The following BLOC1S6 variants were observed in gnomAD, a reference collection of about 807,000 sequenced individuals.
The protein encoded by BLOC1S6 is biogenesis of lysosome-related organelles complex 1 subunit 6.
BLOC1S6 carries 24 observed loss-of-function variants against 24.7 expected under a neutral mutation model. The ratio of observed to expected loss-of-function variants is 0.97; its 90% confidence interval spans 0.70 to 1.37. The LOEUF is 1.37. Among genes scored for constraint, BLOC1S6 ranks in the 40% most tolerant of loss-of-function variants. The pLI is 0.00. For synonymous variants in BLOC1S6, 76 were observed against 72.6 expected (o/e 1.05, Z -0.23); for missense variants, 175 against 196.2 (o/e 0.89, Z 0.64).
chr15:45,592,013 C>G, intron 1 of BLOC1S6, 122 bp from the exon 2 acceptor site: 1 of 1,169,388 alleles, frequency 8.6e-7, no homozygotes, highest in Non-Finnish European at 1.2e-6. Context: ...GTGTTTACAA[C>G]TAATTGATCA....
rs1894470641 is a variant in BLOC1S6 at position 45,606,519 on chromosome 15, TTG to T, written c.*9_*10del. 1 of 1,613,968 alleles carries T rather than the reference TTG, an allele frequency of 6.2e-7. No individual in the cohort carries two copies. Among genetic ancestry groups the T allele is most frequent in the Non-Finnish European group, 8.5e-7 (1 of 1,179,988 alleles). ...AGACCAGCCAAAAGGATGTGAAAAG[TTG>T]TGTTTGTGTGTTTTCTTCTCCTGTC... On this transcript the variant is annotated 3_prime_UTR_variant, in exon 5 of 5. Coordinates refer to ENST00000220531, the MANE Select transcript of BLOC1S6 (RefSeq NM_012388.4).
At chr15:45,600,193 A>AG (rs1216971661) in intron 2 of BLOC1S6, among the ~76,000 whole-genome samples, 1 of 64,568 alleles carries the variant, frequency 1.5e-5, no homozygotes, top group Non-Finnish European at 2.8e-5. Flanking sequence ...GGGTGGGGGG[A>AG]GGGGGGAGGG....
At chr15:45,600,984 G>T (rs1326508099) in intron 2 of BLOC1S6, among the ~76,000 whole-genome samples, 1 of 152,132 alleles carries the variant, frequency 6.6e-6, no homozygotes, top group Non-Finnish European at 1.5e-5. Flanking sequence ...GTCATTCATT[G>T]TCCAAATGTT....
intron 1 of BLOC1S6, chr15:45,588,007 A>T: frequency 1.9e-6 from 1 of 534,892 alleles, no homozygotes; most frequent in South Asian, 2.5e-5. Flanking sequence ...GCCCTAAGGC[A>T]TCCATTGAAT....
At chr15:45,605,323 A>G in intron 3 of BLOC1S6, 105 bp from the exon 4 acceptor site, 1 of 867,756 alleles carries the variant, frequency 1.2e-6, no homozygotes, top group Non-Finnish European at 1.8e-6. Context: ...AAAAATTTTG[A>G]CCAATTTAGG....
Position 45,606,683 on chromosome 15 carries a change from G to A in BLOC1S6, c.*169G>A. On this transcript the variant is annotated 3_prime_UTR_variant, in exon 5 of 5. Transcript: ENST00000220531. Reference sequence around the variant, plus strand: ...TTTTCCAAGTAGCAGACGTCATGTTGCATGGTTTTTGATATTTATATGTAA... The same window carrying A: ...TTTTCCAAGTAGCAGACGTCATGTTACATGGTTTTTGATATTTATATGTAA... 2.4e-6 allele frequency: 2 copies of A among 850,372 alleles called. No homozygotes were observed. The highest frequency in any genetic ancestry group is 3.6e-6 in the Non-Finnish European group (2 of 554,774). 52.7% of individuals were successfully genotyped at this position (850,372 alleles called of 1,614,324 possible). A position where few individuals can be genotyped will look rare whatever the true frequency, so the allele number is the denominator to read the frequency against.
At chr15:45,589,953 A>C (rs955786491) in intron 1 of BLOC1S6, among the ~76,000 whole-genome samples, 3 of 152,210 alleles carry the variant, frequency 2.0e-5, no homozygotes, top group Admixed American at 6.5e-5. Flanking sequence ...TATATTGTTA[A>C]GCGAAGTGAA....
Position 45,592,314 on chromosome 15 carries a change from CTG to C in BLOC1S6, c.224+41_224+42del, listed in dbSNP as rs375567807. ...AAAACCAGATATACACTCATTTCCTCTGTGGCATAGTCACAATTTGTATAATT... is the reference window on the plus strand; with the variant it reads ...AAAACCAGATATACACTCATTTCCTCTGGCATAGTCACAATTTGTATAATT... On this transcript the variant is annotated intron_variant, in intron 2 of 4. Transcript: ENST00000220531. 790 of 1,609,140 alleles carry C rather than the reference CTG, an allele frequency of 4.9e-4. 6 individuals are homozygous for C. The African/African-American group carries it at 9.9e-3, about 20-fold the overall frequency.
intron 2 of BLOC1S6, chr15:45,602,225 G>A: frequency 2.0e-6 from 1 of 493,678 alleles, no homozygotes; most frequent in Non-Finnish European, 3.6e-6. Flanking sequence ...TGTAGGGTAT[G>A]CCAGACTCAG....
Position 45,606,663 on chromosome 15 carries a change from C to G in BLOC1S6, c.*149C>G. 1 of 1,090,032 alleles carries G rather than the reference C, an allele frequency of 9.2e-7. No homozygotes were observed. Among genetic ancestry groups the G allele is most frequent in the South Asian group, 1.4e-5 (1 of 71,740 alleles). 67.5% of individuals were successfully genotyped at this position (1,090,032 alleles called of 1,614,324 possible). ...TTACTGTGTCTCCATGCCTTTTTTC[C>G]AAGTAGCAGACGTCATGTTGCATGG... On this transcript the variant is annotated 3_prime_UTR_variant, in exon 5 of 5. Coordinates refer to ENST00000220531, the MANE Select transcript of BLOC1S6 (RefSeq NM_012388.4).
chr15:45,608,843 T>C lies in BLOC1S6; in HGVS notation c.*2329T>C, dbSNP rs1483783050. The C allele has an allele frequency of 1.3e-5, 2 of 152,212 alleles. No homozygotes were observed. The highest frequency in any genetic ancestry group is 4.8e-5 in the African/African-American group (2 of 41,450). 9.4% of individuals were successfully genotyped at this position (152,212 alleles called of 1,614,324 possible). On this transcript the variant is annotated 3_prime_UTR_variant, in exon 5 of 5. Coordinates refer to ENST00000220531, the MANE Select transcript of BLOC1S6 (RefSeq NM_012388.4). ...ACTTTAAAAGCTACCCAGTAACTCTTGGGATTAATTTTATGAAATAAATTC... is the reference window on the plus strand; with the variant it reads ...ACTTTAAAAGCTACCCAGTAACTCTCGGGATTAATTTTATGAAATAAATTC...
chr15:45,595,391 G>C (rs1215830014), intron 2 of BLOC1S6, among the ~76,000 whole-genome samples: 1 of 152,208 alleles, frequency 6.6e-6, no homozygotes. Context: ...TAGAAGCTCT[G>C]TGCCAGAAAC....
At chr15:45,590,726 C>G (rs1453068989) in intron 1 of BLOC1S6, among the ~76,000 whole-genome samples, 1 of 152,030 alleles carries the variant, frequency 6.6e-6, no homozygotes, top group Non-Finnish European at 1.5e-5. Context: ...TCAATTTTGC[C>G]AAAATTTAAA....
chr15:45,591,850 TAAAAGTTTAAAAAGAAAAGA>T (rs1039000467), intron 1 of BLOC1S6: 4 of 379,678 alleles, frequency 1.1e-5, no homozygotes, highest in Non-Finnish European at 1.9e-5. Context: ...AGCTCAGAGG[TAAAAGTTTAAAAAGAAAAGA>T]AGGATACCTG....
chr15:45,595,203 A>T (rs8026780), intron 2 of BLOC1S6, among the ~76,000 whole-genome samples: 11,455 of 152,136 alleles, frequency 0.075, 1,524 homozygotes, highest in African/African-American at 0.26. Flanking sequence ...CTTTTAATCT[A>T]TGTACTTGGA....
At position 45,603,245 on chromosome 15, in the gene BLOC1S6, C is replaced by T. The variant is rs549351807; in HGVS notation, c.312+58C>T. The T allele has an allele frequency of 4.5e-6, 5 of 1,108,960 alleles. No homozygotes were observed. The African/African-American group carries it at 1.1e-4, about 25-fold the overall frequency. The allele number at this position is 1,108,960 out of a possible 1,614,324, so 68.7% of individuals were successfully genotyped here. A position where few individuals can be genotyped will look rare whatever the true frequency, so the allele number is the denominator to read the frequency against. The stretch of plus-strand genomic sequence containing the variant: ...CATCTTGTCTTAGCAATAGCTAAGA[C>T]TTAGCTAAGCAATAGCTAAGATTTT... On this transcript the variant is annotated intron_variant, in intron 3 of 4. Transcript: ENST00000220531.
chr15:45,602,015 G>C (rs1050986542), intron 2 of BLOC1S6, among the ~76,000 whole-genome samples: 2 of 152,032 alleles, frequency 1.3e-5, no homozygotes, highest in Non-Finnish European at 2.9e-5. Flanking sequence ...CAAGTAGCTC[G>C]GACCACAGGT....
At chr15:45,593,674 A>G (rs1481538270) in intron 2 of BLOC1S6, among the ~76,000 whole-genome samples, 1 of 152,158 alleles carries the variant, frequency 6.6e-6, no homozygotes, top group East Asian at 1.9e-4. Flanking sequence ...TGATGATGAT[A>G]TTGTCTAAAA....
At chr15:45,600,317 A>G (rs1894228882) in intron 2 of BLOC1S6, among the ~76,000 whole-genome samples, 1 of 151,298 alleles carries the variant, frequency 6.6e-6, no homozygotes, top group Admixed American at 6.6e-5. Flanking sequence ...TGTACCCTAA[A>G]ACTTAAAGTA....
Sources: gnomAD v4.1 joint callset for allele counts (sites outside exome capture counted in the v4.1 genomes callset) on GRCh38, gnomAD v4.1.1 for gene constraint, MANE v1.5 for transcripts, NCBI Gene and HGNC (gene_info 2026-07-23, HGNC 2026-07-21) for gene names.